Variants in FOXP2 observed in about 807,000 individuals in gnomAD.
The protein encoded by FOXP2 is forkhead box P2.
Under a neutral mutation model 115.8 loss-of-function variants are expected in FOXP2, and 12 were observed. The ratio of observed to expected loss-of-function variants is 0.10; its 90% CI spans 0.07 to 0.17. The LOEUF is 0.17. FOXP2 is among the 10% of genes least tolerant of loss of function. FOXP2 has a pLI of 1.00. For missense variants in FOXP2, 629 were observed against 843.5 expected, an observed-to-expected ratio of 0.75 and a Z score of 3.15; for synonymous variants, 328 against 297.7, an observed-to-expected ratio of 1.10 and a Z score of -1.05.
chr7:114,191,757 T>C (rs952851150), intron 1 of FOXP2, among the ~76,000 whole-genome samples: 3 of 152,210 alleles, frequency 2.0e-5, no homozygotes, highest in Non-Finnish European at 2.9e-5. Flanking sequence ...GATGAACCAA[T>C]TGTGATACAG....
At chr7:114,140,273 C>A (rs1056946841) in intron 1 of FOXP2, among the ~76,000 whole-genome samples, 5 of 151,944 alleles carry the variant, frequency 3.3e-5, no homozygotes, top group Non-Finnish European at 7.4e-5. Context: ...TTATTATTTT[C>A]GTGAAAATTA....
chr7:114,457,252 T>C (rs1205224507), intron 2 of FOXP2, among the ~76,000 whole-genome samples: 1 of 152,170 alleles, frequency 6.6e-6, no homozygotes, highest in Non-Finnish European at 1.5e-5. Context: ...TATAAGTATA[T>C]CAAAACCATA....
chr7:114,329,200 G>A (rs1367359077), intron 2 of FOXP2, among the ~76,000 whole-genome samples: 2 of 152,080 alleles, frequency 1.3e-5, no homozygotes, highest in Admixed American at 6.5e-5. Context: ...ATAAATAAAA[G>A]CATTATTATG....
chr7:114,661,956 T>A, intron 13 of FOXP2, 109 bp from the exon 14 acceptor site: 1 of 1,363,666 alleles, frequency 7.3e-7, no homozygotes, highest in Non-Finnish European at 1.0e-6. Flanking sequence ...TACTTAAACA[T>A]GTTAAGATTT....
chr7:114,220,694 T>A (rs1329180337), intron 1 of FOXP2, among the ~76,000 whole-genome samples: 1 of 152,152 alleles, frequency 6.6e-6, no homozygotes, highest in Admixed American at 6.5e-5. Context: ...ATTCAAGAAT[T>A]TTTTAGTCAA....
intron 2 of FOXP2, among the ~76,000 whole-genome samples, chr7:114,485,160 TA>T (rs1796719860): frequency 6.6e-6 from 1 of 151,964 alleles, no homozygotes; most frequent in African/African-American, 2.4e-5. Flanking sequence ...TTGCTTTTGC[TA>T]AAAATGCTTT....
chr7:114,573,160 T>C (rs1801406089), intron 3 of FOXP2, among the ~76,000 whole-genome samples: 1 of 151,826 alleles, frequency 6.6e-6, no homozygotes, highest in Non-Finnish European at 1.5e-5. Flanking sequence ...TTCATCTTGG[T>C]CATTGAGTGA....
intron 2 of FOXP2, among the ~76,000 whole-genome samples, chr7:114,325,291 G>A (rs979606700): frequency 2.0e-5 from 3 of 151,732 alleles, no homozygotes; most frequent in East Asian, 1.9e-4. Context: ...AAGTTTATAC[G>A]ATTAATAGTA....
In FOXP2 at chr7:114,690,129, C is replaced by CTTT. The variant is rs398005924; in HGVS notation, c.*218_*220dup. 2.5e-4 allele frequency: 107 copies of CTTT among 420,758 alleles called. No homozygotes were observed. The highest frequency in any genetic ancestry group is 4.1e-4 in the East Asian group (7 of 17,244). The allele number at this position is 420,758 out of a possible 1,614,324, so 26.1% of individuals were successfully genotyped here. On this transcript the variant is annotated 3_prime_UTR_variant, in exon 17 of 17. Transcript: ENST00000350908. Reference sequence around the variant, plus strand: ...TGCTTGTTTTCTTCTTCTTCTTCTTCTTTTTTTTTTTTTTTTTAGAAAAAA... The same window carrying CTTT: ...TGCTTGTTTTCTTCTTCTTCTTCTTCTTTTTTTTTTTTTTTTTTTTAGAAAAAA...
chr7:114,393,748 A>G (rs1792667185), intron 2 of FOXP2, among the ~76,000 whole-genome samples: 1 of 152,150 alleles, frequency 6.6e-6, no homozygotes, highest in Non-Finnish European at 1.5e-5. Context: ...ATGGAGGGGA[A>G]GGTGAGAAAT....
chr7:114,662,877 C>T (rs1460485813), intron 14 of FOXP2, among the ~76,000 whole-genome samples: 1 of 152,070 alleles, frequency 6.6e-6, no homozygotes, highest in South Asian at 2.1e-4. Context: ...TTTACTTATT[C>T]CCCCAAACTT....
chr7:114,154,380 T>C (rs1023661151), intron 1 of FOXP2, among the ~76,000 whole-genome samples: 1 of 152,058 alleles, frequency 6.6e-6, no homozygotes, highest in Non-Finnish European at 1.5e-5. Flanking sequence ...GAGATTTTTT[T>C]CCACATCATA....
In FOXP2 at chr7:114,653,877, C is replaced by T. The variant is rs758839857; in HGVS notation, c.1183-49C>T. 2.6e-6 allele frequency: 4 copies of T among 1,535,700 alleles called. No individual in the cohort carries two copies. The African/African-American group carries it at 4.1e-5, about 16-fold the overall frequency. ...AAGATGTATCACTGCAATAAAATAG[C>T]TGTATCAGTCATTTCTAAAACGCTT... On this transcript the variant is annotated intron_variant, in intron 9 of 16. Transcript: ENST00000350908.
At position 114,227,227 on chromosome 7, in the gene FOXP2, A is replaced by G. The variant is rs572713287; in HGVS notation, c.-101-60792A>G. Among the ~76,000 whole-genome samples the G allele has an allele frequency of 4.6e-5, 7 of 152,200 alleles. No individual in the cohort carries two copies. The South Asian group carries it at 1.4e-3, about 32-fold the overall frequency. On this transcript the variant is annotated intron_variant, in intron 1 of 17. Transcript: ENST00000634411. ...CCTATTATTTGGTTATGGTGGAATC[A>G]TTGTGAGCATGGAAGGAATTCAAAG...
At chr7:114,400,487 T>C (rs1011152296) in intron 2 of FOXP2, among the ~76,000 whole-genome samples, 1 of 152,158 alleles carries the variant, frequency 6.6e-6, no homozygotes, top group Non-Finnish European at 1.5e-5. Flanking sequence ...ACATATTCAA[T>C]GATACTTGGT....
intron 8 of FOXP2, among the ~76,000 whole-genome samples, chr7:114,650,693 A>G (rs1456029): frequency 0.21 from 31,592 of 151,868 alleles, 3,610 homozygotes; most frequent in East Asian, 0.42. Context: ...TTCACAGCAG[A>G]ACAAACCTGA....
At chr7:114,116,792 G>C (rs1289044723) in intron 1 of FOXP2, among the ~76,000 whole-genome samples, 3 of 151,830 alleles carry the variant, frequency 2.0e-5, no homozygotes, top group Non-Finnish European at 2.9e-5. Context: ...TGTGAGGAAG[G>C]GTCTCTTCAT....
rs959180534 is a variant in FOXP2, at chr7:114,569,857, A to G, written c.258+35151A>G. ...ATGTATTTGAAAAGAATTATTTATA[A>G]GATGTAATATTTACATGCATCAAAC... On this transcript the variant is annotated intron_variant, in intron 3 of 16. Coordinates refer to ENST00000350908, the MANE Select transcript of FOXP2 (RefSeq NM_014491.4). Among the ~76,000 whole-genome samples, 3 of 152,070 alleles carry G rather than the reference A, an allele frequency of 2.0e-5. No individual in the cohort carries two copies. The East Asian group carries it at 5.8e-4, about 29-fold the overall frequency.
chr7:114,481,853 C>A (rs1194842553), intron 2 of FOXP2, among the ~76,000 whole-genome samples: 1 of 150,564 alleles, frequency 6.6e-6, no homozygotes, highest in Non-Finnish European at 1.5e-5. Flanking sequence ...AGTTGTAACC[C>A]GGTAAATAGA....
Sources: gnomAD v4.1 joint callset for allele counts (sites outside exome capture counted in the v4.1 genomes callset) on GRCh38, gnomAD v4.1.1 for gene constraint, MANE v1.5 for transcripts, NCBI Gene and HGNC (gene_info 2026-07-23, HGNC 2026-07-21) for gene names.